The following GAK variants were observed in gnomAD, a reference collection of about 807,000 sequenced individuals.
GAK encodes the protein cyclin-G-associated kinase.
In GAK, 79 loss-of-function variants were observed where a neutral mutation model predicts 143.9. The observed-to-expected ratio is 0.55, with a 90% CI of 0.46 to 0.66. The LOEUF is 0.66. GAK is among the 30% of genes least tolerant of loss of function. GAK has a pLI of 0.00. For missense variants in GAK, 1,693 were observed against 1,779.7 expected (o/e 0.95, Z 0.88); for synonymous variants, 881 against 765.5 (o/e 1.15, Z -2.49).
Position 908,371 on chromosome 4 carries a change from C to T in GAK, c.382+3302G>A, listed in dbSNP as rs187120627. Among the ~76,000 whole-genome samples, 43 of 152,278 alleles carry T rather than the reference C, an allele frequency of 2.8e-4. No individual in the cohort carries two copies. The East Asian group carries it at 6.4e-3, about 23-fold the overall frequency. ...TGGATGGAACGAAGCGACCGCACCA[C>T]GTGGAAAGAGGCCTGAGCAGGGTGC... On this transcript the variant is annotated intron_variant, in intron 4 of 27. Coordinates refer to ENST00000314167, the MANE Select transcript of GAK (RefSeq NM_005255.4).
At chr4:880,000 G>A (rs576692004) in intron 15 of GAK, among the ~76,000 whole-genome samples, 10 of 151,736 alleles carry the variant, frequency 6.6e-5, no homozygotes, top group South Asian at 2.1e-4. Flanking sequence ...CCACTGGACC[G>A]CGCACCTGCC....
At chr4:852,257 A>G (rs1748299574) in intron 24 of GAK, 1 of 534,788 alleles carries the variant, frequency 1.9e-6, no homozygotes, top group Middle Eastern at 5.1e-4. Context: ...GAGCCAAGGC[A>G]GACCCAGGGC....
intron 24 of GAK, chr4:853,803 CTTTTTTT>C (rs34083653): frequency 5.5e-5 from 8 of 144,774 alleles, no homozygotes; most frequent in African/African-American, 2.0e-4. Context: ...TGCCCATTTT[CTTTTTTT>C]TTTTTTGAGA....
chr4:881,971 C>G lies in GAK; in HGVS notation c.1597G>C (p.Glu533Gln). 1 of 1,602,822 alleles carries G rather than the reference C, an allele frequency of 6.2e-7. No individual in the cohort carries two copies. Among genetic ancestry groups the G allele is most frequent in the Non-Finnish European group, 8.5e-7 (1 of 1,174,962 alleles). The change falls in exon 15 of 28, where the codon GAG becomes CAG. Residue 533 changes from glutamate (E) to glutamine (Q), a missense_variant. Physicochemically the swap from Glu to Gln is conservative, Grantham distance 29. Transcript: ENST00000314167. ...ATGCTGAACATGTACACGGCGGCCT[C>G]CGCGGTGCTGAAGAGACGGCAGAAG... Reference protein sequence around the residue: ...LCFCRLFSTAEAAVYMFSMKR... With the variant: ...LCFCRLFSTAQAAVYMFSMKR...
intron 1 of GAK, among the ~76,000 whole-genome samples, chr4:914,446 C>CCCCCA (rs1722672646): frequency 1.0e-5 from 1 of 95,666 alleles, no homozygotes; most frequent in Non-Finnish European, 2.1e-5. Context: ...GCACGGCCCC[C>CCCCCA]ACACACACAG....
intron 15 of GAK, among the ~76,000 whole-genome samples, chr4:879,871 G>T (rs1042788667): frequency 1.3e-5 from 2 of 152,214 alleles, no homozygotes; most frequent in African/African-American, 2.4e-5. Flanking sequence ...TTCAGTTTCA[G>T]TATCTCTCGA....
chr4:885,128 C>T (rs374626509), intron 11 of GAK, among the ~76,000 whole-genome samples: 7 of 151,226 alleles, frequency 4.6e-5, no homozygotes, highest in Non-Finnish European at 8.8e-5. Flanking sequence ...CTAAACCCAC[C>T]GAGCAGGTGC....
intron 27 of GAK, 24 bp from the exon 28 acceptor site, chr4:849,798 C>T (rs755919315): frequency 1.0e-5 from 16 of 1,603,216 alleles, no homozygotes; most frequent in African/African-American, 2.7e-5. Context: ...GCGGTGTAAG[C>T]GCCTCTTATA....
intron 1 of GAK, among the ~76,000 whole-genome samples, chr4:921,062 C>G (rs1577320818): frequency 6.6e-6 from 1 of 152,228 alleles, no homozygotes; most frequent in African/African-American, 2.4e-5. Flanking sequence ...GAAAGAAAAT[C>G]GCAGAAACAG....
At chr4:876,441 C>A (rs1028082676) in intron 18 of GAK, 89 bp downstream of exon 18, 354 of 1,150,596 alleles carry the variant, frequency 3.1e-4, no homozygotes, top group Non-Finnish European at 4.0e-4. Flanking sequence ...CCGCCACTCC[C>A]CCTGGGGCTC....
chr4:931,956 G>A (rs868440576), intron 1 of GAK, 87 bp downstream of exon 1: 5 of 980,848 alleles, frequency 5.1e-6, no homozygotes, highest in South Asian at 1.4e-5. Context: ...CCTAACCCAC[G>A]CCCTTCCACT....
chr4:924,928 A>T (rs1724476791), intron 1 of GAK, among the ~76,000 whole-genome samples: 1 of 150,790 alleles, frequency 6.6e-6, no homozygotes, highest in Non-Finnish European at 1.5e-5. Flanking sequence ...CAGGATAGTG[A>T]GTGCTCTCCT....
chr4:857,882 C>A (rs1211418532), intron 24 of GAK, among the ~76,000 whole-genome samples: 3 of 152,230 alleles, frequency 2.0e-5, no homozygotes, highest in Non-Finnish European at 2.9e-5. Flanking sequence ...CCACAGCAAG[C>A]CCCCACGGCT....
intron 11 of GAK, among the ~76,000 whole-genome samples, chr4:885,030 C>A (rs941848040): frequency 1.3e-5 from 2 of 152,056 alleles, no homozygotes; most frequent in African/African-American, 4.8e-5. Flanking sequence ...TCCGTGCGTT[C>A]AAACGTTTTA....
intron 5 of GAK, among the ~76,000 whole-genome samples, chr4:900,170 C>T (rs1483669384): frequency 6.6e-6 from 1 of 152,240 alleles, no homozygotes; most frequent in African/African-American, 2.4e-5. Flanking sequence ...CGAAGCTGTG[C>T]GCACAGCAGG....
rs73064454 is a variant in GAK at position 925,923 on chromosome 4, A to C, written c.145+6120T>G. 2.2e-3 allele frequency among the ~76,000 whole-genome samples: 337 copies of C among 152,306 alleles called. 3 individuals are homozygous for C. Among genetic ancestry groups the C allele is most frequent in the African/African-American group, 7.9e-3 (327 of 41,554 alleles). ...CGCACCCACACAGACAACCATGAGC[A>C]ATTCACCAGGAGTCCACGGAGTGGA... is the stretch of plus-strand genomic sequence containing the variant. On this transcript the variant is annotated intron_variant, in intron 1 of 27. Transcript: ENST00000314167.
At chr4:861,276 C>G (rs1750227723) in intron 23 of GAK, among the ~76,000 whole-genome samples, 1 of 152,178 alleles carries the variant, frequency 6.6e-6, no homozygotes, top group African/African-American at 2.4e-5. Context: ...AACAACTGAG[C>G]TTAGTGAGCA....
At chr4:926,615 C>T (rs1207081102) in intron 1 of GAK, among the ~76,000 whole-genome samples, 1 of 152,180 alleles carries the variant, frequency 6.6e-6, no homozygotes, top group African/African-American at 2.4e-5. Context: ...CTAAGGGTTG[C>T]TGTGGTGGTT....
chr4:860,022 G>C (rs1259110550), intron 23 of GAK, among the ~76,000 whole-genome samples: 1 of 152,194 alleles, frequency 6.6e-6, no homozygotes, highest in African/African-American at 2.4e-5. Flanking sequence ...TATCTAAAAT[G>C]TGAATGCTCT....
Sources: gnomAD v4.1 joint callset for allele counts (sites outside exome capture counted in the v4.1 genomes callset) on GRCh38, gnomAD v4.1.1 for gene constraint, MANE v1.5 for transcripts, NCBI Gene and HGNC (gene_info 2026-07-23, HGNC 2026-07-21) for gene names.